Variants in ZFAT observed in about 807,000 individuals in gnomAD.
ZFAT encodes zinc finger protein ZFAT.
In ZFAT, 64 loss-of-function variants were observed where a neutral mutation model predicts 117.7. The observed-to-expected ratio is 0.54, with a 90% confidence interval of 0.44 to 0.67. The LOEUF (loss-of-function observed/expected upper bound fraction) is 0.67, where lower values mean the gene tolerates loss of function less well. Among genes scored for constraint, ZFAT ranks in the 30% least tolerant of loss-of-function variants. The pLI, the probability that ZFAT is intolerant of heterozygous loss-of-function variation, is 0.00. For synonymous variants in ZFAT, 679 were observed against 615.0 expected (o/e 1.10, Z -1.54); for missense variants, 1,433 against 1,584.5 (o/e 0.90, Z 1.62).
chr8:134,762,909 C>T, the ZFAT span, among the ~76,000 whole-genome samples: 218 of 152,272 alleles, frequency 1.4e-3, 1 homozygote, highest in Non-Finnish European at 2.3e-3. Flanking sequence ...AATGAATTAC[C>T]CATTGCTCAG....
At chr8:134,828,342 T>C in the ZFAT span, among the ~76,000 whole-genome samples, 1 of 152,218 alleles carries the variant, frequency 6.6e-6, no homozygotes, top group African/African-American at 2.4e-5. Context: ...AGTTGGGCTT[T>C]TGACCCATAT....
the ZFAT span, among the ~76,000 whole-genome samples, chr8:134,830,034 GT>G: frequency 1.1e-4 from 17 of 152,242 alleles, no homozygotes; most frequent in South Asian, 3.5e-3. Flanking sequence ...TTTCCCATGT[GT>G]TTTTACCACC....
chr8:134,817,394 T>TACAC, the ZFAT span, among the ~76,000 whole-genome samples: 4,491 of 125,920 alleles, frequency 0.036, 103 homozygotes, highest in East Asian at 0.14. Flanking sequence ...TCTCTCTCTC[T>TACAC]ACACACACAC....
chr8:134,596,648 C>G (rs1171699781), intron 7 of ZFAT, among the ~76,000 whole-genome samples: 1 of 151,958 alleles, frequency 6.6e-6, no homozygotes, highest in Non-Finnish European at 1.5e-5. Context: ...GAAATTACCA[C>G]TAAAAAAATG....
At chr8:134,780,451 C>T in the ZFAT span, among the ~76,000 whole-genome samples, 1 of 152,206 alleles carries the variant, frequency 6.6e-6, no homozygotes, top group Non-Finnish European at 1.5e-5. Flanking sequence ...GGAAGCCTCC[C>T]CTACCTGCTC....
the ZFAT span, chr8:134,765,509 A>G: frequency 6.6e-6 from 1 of 152,200 alleles, no homozygotes; most frequent in East Asian, 1.9e-4. Context: ...ACTCCCCTTT[A>G]CAAATGAGAA....
chr8:134,740,195 G>A, the ZFAT span, among the ~76,000 whole-genome samples: 1 of 152,168 alleles, frequency 6.6e-6, no homozygotes, highest in Non-Finnish European at 1.5e-5. Flanking sequence ...CTCTCAGACG[G>A]GAGGCACCCA....
chr8:134,712,725 G>C (rs1375071445), intron 1 of ZFAT, 120 bp downstream of exon 1: 3 of 750,482 alleles, frequency 4.0e-6, no homozygotes, highest in Admixed American at 5.1e-5. Context: ...CTCCGCGGCC[G>C]GCGGCCGGCG....
chr8:134,648,975 A>G (rs1340309510), intron 2 of ZFAT, among the ~76,000 whole-genome samples: 2 of 152,062 alleles, frequency 1.3e-5, no homozygotes, highest in Non-Finnish European at 2.9e-5. Context: ...GCATCCTGGC[A>G]TGTAAAAACA....
chr8:134,758,186 G>T, the ZFAT span, among the ~76,000 whole-genome samples: 1 of 152,170 alleles, frequency 6.6e-6, no homozygotes, highest in Non-Finnish European at 1.5e-5. Flanking sequence ...GAAATGTGAG[G>T]GGGATTGGCT....
At chr8:134,713,129 C>A (rs936224941), upstream of ZFAT, 1 of 374,746 alleles carries the variant, frequency 2.7e-6, no homozygotes, top group East Asian at 4.0e-5. Flanking sequence ...CCCGGCAGGG[C>A]CGAGCTAACG....
chr8:134,805,748 G>A, the ZFAT span, among the ~76,000 whole-genome samples: 2 of 152,138 alleles, frequency 1.3e-5, no homozygotes, highest in Non-Finnish European at 2.9e-5. Flanking sequence ...CGAGGCAGGT[G>A]GATGGGTAGA....
At chr8:134,781,072 C>G in the ZFAT span, among the ~76,000 whole-genome samples, 2 of 151,932 alleles carry the variant, frequency 1.3e-5, no homozygotes, top group Non-Finnish European at 2.9e-5. Context: ...TCTAGTAACT[C>G]TTGGAATGCA....
At chr8:134,632,439 G>A (rs949237987) in intron 3 of ZFAT, among the ~76,000 whole-genome samples, 6 of 152,210 alleles carry the variant, frequency 3.9e-5, no homozygotes, top group African/African-American at 1.2e-4. Context: ...TGTTGACAGT[G>A]GGATGGTGCC....
At chr8:134,606,066 G>A (rs1320584695) in intron 5 of ZFAT, among the ~76,000 whole-genome samples, 1 of 152,182 alleles carries the variant, frequency 6.6e-6, no homozygotes, top group Non-Finnish European at 1.5e-5. Flanking sequence ...AAGCAAGAGG[G>A]AGGAAAGGCA....
intron 12 of ZFAT, 64 bp downstream of exon 12, chr8:134,532,770 C>T: frequency 1.3e-6 from 2 of 1,579,998 alleles, no homozygotes; most frequent in African/African-American, 1.3e-5. Context: ...AGCAGCTCTT[C>T]CCAATGGGGG....
chr8:134,694,418 G>A (rs934067226), intron 1 of ZFAT, among the ~76,000 whole-genome samples: 4 of 152,226 alleles, frequency 2.6e-5, no homozygotes, highest in Non-Finnish European at 5.9e-5. Flanking sequence ...AGAGGACAAA[G>A]CAATGTAGTA....
chr8:134,790,850 A>G, the ZFAT span, among the ~76,000 whole-genome samples: 1 of 151,734 alleles, frequency 6.6e-6, no homozygotes, highest in Non-Finnish European at 1.5e-5. Context: ...CTCCATCTCT[A>G]CAAAAATTTT....
chr8:134,518,239 A>G (rs1820389332), intron 13 of ZFAT, among the ~76,000 whole-genome samples: 1 of 152,130 alleles, frequency 6.6e-6, no homozygotes, highest in Non-Finnish European at 1.5e-5. Flanking sequence ...TCAATCATTT[A>G]TTTATGTCAG....
Sources: allele counts gnomAD v4.1 joint callset (sites outside exome capture counted in the v4.1 genomes callset), GRCh38; gene constraint gnomAD v4.1.1; transcripts MANE v1.5; gene names NCBI Gene and HGNC (gene_info 2026-07-23, HGNC 2026-07-21).